The following SULF2 variants were observed in gnomAD, a reference collection of about 807,000 sequenced individuals.
SULF2 encodes sulfatase 2.
SULF2 carries 52 observed loss-of-function variants against 107.7 expected under a neutral mutation model. That is an observed-to-expected ratio of 0.48 (90% CI 0.39 to 0.61). The LOEUF (loss-of-function observed/expected upper bound fraction) is 0.61. SULF2 is among the 20% of genes least tolerant of loss of function. The pLI is 0.00. For synonymous variants in SULF2, 460 were observed against 464.3 expected (o/e 0.99, Z 0.12); for missense variants, 993 against 1,177.3 (o/e 0.84, Z 2.29).
chr20:47,715,311 T>G lies in SULF2; in HGVS notation c.416-12641A>C, dbSNP rs9679918. 4.9e-3 allele frequency among the ~76,000 whole-genome samples: 739 copies of G among 152,058 alleles called. 6 individuals carry two copies. The highest frequency in any genetic ancestry group is 0.017 in the African/African-American group (709 of 41,482). On this transcript the variant is annotated intron_variant, in intron 3 of 20. Transcript: ENST00000688720. The stretch of plus-strand genomic sequence containing the variant: ...CCCACACCGCCCAGGCTCTCCCCTT[T>G]CCCCCGACATTGCTTCTCCACATAT...
intron 2 of SULF2, among the ~76,000 whole-genome samples, chr20:47,740,714 A>G (rs2089857901): frequency 6.6e-6 from 1 of 152,216 alleles, no homozygotes; most frequent in Non-Finnish European, 1.5e-5. Flanking sequence ...GCACACAGAT[A>G]TATGATGAAA....
Position 47,659,442 on chromosome 20 carries a change from G to T in SULF2, c.2539C>A (p.Arg847Ser). ...CTCTTCATTTCTGGCCACTTTCGACGCTGAAACTGCCTAAGTTTTCAAGTG... is the reference window on the plus strand; with the variant it reads ...CTCTTCATTTCTGGCCACTTTCGACTCTGAAACTGCCTAAGTTTTCAAGTG... Reference protein sequence around the residue: ...GSYEQYRQFQRRKWPEMKRPS... With the variant: ...GSYEQYRQFQSRKWPEMKRPS... The change falls in exon 20 of 21, where the codon CGT becomes AGT. Residue 847 changes from arginine (R) to serine (S), a missense_variant. By Grantham distance (110) the Arg-to-Ser change is moderately radical (BLOSUM62 -1). This residue lies in a region of SULF2 where 497 missense variants were observed against 544.1 expected (regional missense o/e 0.91). Transcript: ENST00000688720. The T allele has an allele frequency of 6.2e-7, 1 of 1,614,036 alleles. No individual in the cohort carries two copies. The highest frequency in any genetic ancestry group is 8.5e-7 in the Non-Finnish European group (1 of 1,179,936).
intron 1 of SULF2, among the ~76,000 whole-genome samples, chr20:47,765,578 G>C (rs73317803): frequency 0.011 from 1,601 of 152,224 alleles, 31 homozygotes; most frequent in African/African-American, 0.036. Context: ...CTCCTCAGGT[G>C]GTCCAGGGAG....
At chr20:47,687,871 C>T (rs866836198) in intron 5 of SULF2, among the ~76,000 whole-genome samples, 1 of 152,038 alleles carries the variant, frequency 6.6e-6, no homozygotes, top group East Asian at 1.9e-4. Context: ...CCACCCCTGG[C>T]TGATTTTAAA....
In SULF2 at chr20:47,785,455, G is replaced by GCTGCTA; in HGVS notation, c.-214_-213insTAGCAG. 7.5e-6 allele frequency: 1 copy of GCTGCTA among 133,798 alleles called. No homozygotes were observed. Among genetic ancestry groups the GCTGCTA allele is most frequent in the Non-Finnish European group, 1.5e-5 (1 of 66,586 alleles). 8.3% of individuals were successfully genotyped at this position (133,798 alleles called of 1,614,324 possible). ...ACTCCGCGCCGCCGCTGCCGCTGCC[G>GCTGCTA]CCGCCGCCGCCGCCGCTGCCGCTGC... On this transcript the variant is annotated 5_prime_UTR_variant, in exon 1 of 21. Coordinates refer to ENST00000688720, the MANE Select transcript of SULF2 (RefSeq NM_001387048.1).
In SULF2 at chr20:47,659,503, GAAA is replaced by G. The variant is rs143387498; in HGVS notation, c.2529-54_2529-52del. Reference sequence around the variant, plus strand: ...ATGAATGTTAACCATCACCAAGAAAGAAAAAGTCCCCAAAGAACTATACAAAGA... The same window carrying G: ...ATGAATGTTAACCATCACCAAGAAAGAAGTCCCCAAAGAACTATACAAAGA... On this transcript the variant is annotated intron_variant, in intron 19 of 20. Transcript: ENST00000688720. 6.4e-4 allele frequency: 1,012 copies of G among 1,589,154 alleles called. 6 individuals are homozygous for G. The African/African-American group carries it at 0.012, about 19-fold the overall frequency.
intron 3 of SULF2, among the ~76,000 whole-genome samples, chr20:47,706,287 G>A (rs948743262): frequency 1.3e-5 from 2 of 151,974 alleles, no homozygotes; most frequent in African/African-American, 4.8e-5. Context: ...CATGCGGGGG[G>A]GCTCCACTTC....
At chr20:47,720,374 G>A (rs1361320078) in intron 3 of SULF2, among the ~76,000 whole-genome samples, 5 of 151,960 alleles carry the variant, frequency 3.3e-5, no homozygotes, top group Admixed American at 3.3e-4. Flanking sequence ...TCCCACCTTA[G>A]CCTCCTGAGT....
At chr20:47,748,255 T>C (rs542101125) in intron 2 of SULF2, among the ~76,000 whole-genome samples, 40 of 152,322 alleles carry the variant, frequency 2.6e-4, no homozygotes, top group African/African-American at 9.4e-4. Flanking sequence ...AACCTGTTCC[T>C]GCCACAGGGC....
intron 5 of SULF2, among the ~76,000 whole-genome samples, chr20:47,688,462 C>T (rs1239145018): frequency 6.6e-6 from 1 of 152,216 alleles, no homozygotes; most frequent in African/African-American, 2.4e-5. Context: ...GAAATTCCGG[C>T]ACCGCTCGCT....
intron 4 of SULF2, among the ~76,000 whole-genome samples, chr20:47,696,659 AATGCACCAGATGGTG>A: frequency 6.6e-6 from 1 of 152,336 alleles, no homozygotes; most frequent in East Asian, 1.9e-4. Flanking sequence ...CACAGGGTGT[AATGCACCAGATGGTG>A]ATTTGTTGCA....
Position 47,677,066 on chromosome 20 carries a change from C to A in SULF2, c.1250+12G>T. 1 of 1,612,426 alleles carries A rather than the reference C, an allele frequency of 6.2e-7. No homozygotes were observed. Among genetic ancestry groups the A allele is most frequent in the Non-Finnish European group, 8.5e-7 (1 of 1,179,492 alleles). The stretch of plus-strand genomic sequence containing the variant: ...GTGGGCAGGGGTGTCCCTCCCAGGA[C>A]CCGGCACTCACCCTCTCTCCACCAA... On this transcript the variant is annotated intron_variant, in intron 9 of 20. Transcript: ENST00000688720.
chr20:47,703,768 C>A (rs932398904), intron 3 of SULF2, among the ~76,000 whole-genome samples: 2 of 152,146 alleles, frequency 1.3e-5, no homozygotes, highest in Non-Finnish European at 2.9e-5. Flanking sequence ...TGTTTATCAA[C>A]AAAAGGATGG....
chr20:47,748,425 G>A (rs1428787150), intron 2 of SULF2, among the ~76,000 whole-genome samples: 1 of 152,236 alleles, frequency 6.6e-6, no homozygotes, highest in African/African-American at 2.4e-5. Flanking sequence ...GATCTCTGGT[G>A]TTGCTGAGAC....
At chr20:47,697,377 C>T (rs1371108368) in intron 4 of SULF2, among the ~76,000 whole-genome samples, 1 of 152,212 alleles carries the variant, frequency 6.6e-6, no homozygotes, top group East Asian at 1.9e-4. Context: ...CGAAGGGTTG[C>T]CGCTTCCTCC....
At chr20:47,720,008 A>G (rs567036718) in intron 3 of SULF2, among the ~76,000 whole-genome samples, 1 of 152,220 alleles carries the variant, frequency 6.6e-6, no homozygotes, top group South Asian at 2.1e-4. Context: ...CCCAGGATGG[A>G]GTGCCACTGC....
At position 47,695,507 on chromosome 20, in the gene SULF2, A is replaced by G. The variant is rs1003304221; in HGVS notation, c.568-5212T>C. ...TGCTGCTATTGTCTGACTAATTTAG[A>G]TGCCTCATGTAAGGGAATCATGCAG... On this transcript the variant is annotated intron_variant, in intron 4 of 20. Coordinates refer to ENST00000688720, the MANE Select transcript of SULF2 (RefSeq NM_001387048.1). 5.9e-5 allele frequency among the ~76,000 whole-genome samples: 9 copies of G among 152,140 alleles called. 1 individual carries two copies. Among genetic ancestry groups the G allele is most frequent in the African/African-American group, 2.4e-5 (1 of 41,408 alleles).
At chr20:47,765,605 T>C (rs1340364401) in intron 1 of SULF2, among the ~76,000 whole-genome samples, 1 of 152,166 alleles carries the variant, frequency 6.6e-6, no homozygotes, top group Non-Finnish European at 1.5e-5. Context: ...CATTTCTCTC[T>C]TCCTTCATTT....
In SULF2 at chr20:47,663,127, G is replaced by A; in HGVS notation, c.2313C>T (p.Phe771=). ...CTAGGAAGCCAGTTGCAAATTCACA[G>A]AAGAGGAAATTGTGAGTCTCATTGA... ...RTINETHNFL[F]CEFATGFLEY... is the part of the protein sequence containing the mutation. Residue 771 remains phenylalanine (F), a synonymous_variant, in exon 17 of 21, where the codon TTC becomes TTT. Transcript: ENST00000688720. The A allele has an allele frequency of 6.2e-7, 1 of 1,614,182 alleles. No individual in the cohort carries two copies. The highest frequency in any genetic ancestry group is 8.5e-7 in the Non-Finnish European group (1 of 1,180,028).
Sources: gnomAD v4.1 joint callset for allele counts (sites outside exome capture counted in the v4.1 genomes callset) on GRCh38, gnomAD v4.1.1 for gene constraint, gnomAD v4.1.1 regional missense constraint, MANE v1.5 for transcripts, NCBI Gene and HGNC (gene_info 2026-07-23, HGNC 2026-07-21) for gene names.